KLHL4: variants seen among roughly 807,000 people sequenced by gnomAD.
KLHL4 encodes the protein kelch-like protein 4.
A neutral mutation model predicts 45.8 loss-of-function variants in KLHL4; 17 were observed. That is an observed-to-expected ratio of 0.37 (90% CI 0.25 to 0.56). The LOEUF is 0.56. KLHL4 is among the 20% of genes least tolerant of loss of function. The pLI is 0.79. For missense variants in KLHL4, 544 were observed against 544.9 expected (o/e 1.00, Z 0.02); for synonymous variants, 224 against 189.9 (o/e 1.18, Z -1.47).
chrX:87,533,609 A>C (rs750216966), intron 1 of KLHL4, among the ~76,000 whole-genome samples: 63 of 107,712 alleles, frequency 5.8e-4, no homozygotes, highest in African/African-American at 2.1e-3. Flanking sequence ...ATGCTAAATG[A>C]CCAGTTAATG....
At chrX:87,655,974 G>T (rs1170764697) in intron 9 of KLHL4, among the ~76,000 whole-genome samples, 1 of 111,261 alleles carries the variant, frequency 9.0e-6, no homozygotes, top group Non-Finnish European at 1.9e-5. Flanking sequence ...CCCAAGTCAG[G>T]GTTTACAGCT....
chrX:87,568,293 T>A (rs192474787), intron 1 of KLHL4, among the ~76,000 whole-genome samples: 2,542 of 109,809 alleles, frequency 0.023, 30 homozygotes, highest in Middle Eastern at 0.038. Flanking sequence ...GAAGACTTAA[T>A]ATTTTTTAAA....
At position 87,669,917 on chromosome X, in the gene KLHL4, G is replaced by C. The variant is rs1167218006; in HGVS notation, c.*3383G>C. 2.6e-5 allele frequency: 3 copies of C among 113,256 alleles called. No individual in the cohort carries two copies. Among genetic ancestry groups the C allele is most frequent in the Non-Finnish European group, 5.5e-5 (3 of 54,182 alleles). The allele number at this position is 113,256 out of a possible 1,213,427, so 9.3% of individuals were successfully genotyped here. A position where few individuals can be genotyped will look rare whatever the true frequency, so the allele number is the denominator to read the frequency against. On this transcript the variant is annotated 3_prime_UTR_variant, in exon 11 of 11. Transcript: ENST00000373119. ...AATATCTCACCACAGTGAATTATGG[G>C]TAAGGTGATAATATGTTTAATTAGC...
intron 1 of KLHL4, among the ~76,000 whole-genome samples, chrX:87,550,376 CA>C (rs1292551713): frequency 2.7e-5 from 3 of 110,069 alleles, no homozygotes; most frequent in Non-Finnish European, 5.7e-5. Context: ...TAATTACCAA[CA>C]AAAAAAAGTA....
At chrX:87,520,207 C>T (rs1167812853) in intron 1 of KLHL4, among the ~76,000 whole-genome samples, 1 of 112,395 alleles carries the variant, frequency 8.9e-6, no homozygotes, top group African/African-American at 3.2e-5. Context: ...CTTGGTCCAG[C>T]ATCATTTGAG....
intron 1 of KLHL4, among the ~76,000 whole-genome samples, chrX:87,544,297 C>T (rs746444644): frequency 1.8e-5 from 2 of 111,483 alleles, no homozygotes; most frequent in African/African-American, 3.3e-5. Flanking sequence ...GCCAGTTCAG[C>T]CACAATACAG....
intron 1 of KLHL4, among the ~76,000 whole-genome samples, chrX:87,529,853 G>A (rs1032133080): frequency 9.8e-5 from 11 of 111,933 alleles, no homozygotes; most frequent in African/African-American, 3.6e-4. Context: ...GTAATGTCCA[G>A]TTATAAAACA....
intron 6 of KLHL4, among the ~76,000 whole-genome samples, chrX:87,630,773 TAAAG>T (rs1417004889): frequency 9.0e-6 from 1 of 111,628 alleles, no homozygotes; most frequent in East Asian, 2.8e-4. Context: ...TATTAACACT[TAAAG>T]AAAGTAATAC....
chrX:87,634,479 A>G (rs1199866300), intron 8 of KLHL4, among the ~76,000 whole-genome samples: 1 of 111,607 alleles, frequency 9.0e-6, no homozygotes, highest in East Asian at 2.8e-4. Flanking sequence ...AATTGTTACC[A>G]GGTATTATGT....
intron 6 of KLHL4, among the ~76,000 whole-genome samples, chrX:87,627,130 G>T (rs1029356410): frequency 8.9e-6 from 1 of 111,733 alleles, no homozygotes; most frequent in African/African-American, 3.3e-5. Flanking sequence ...TGTCTGGTCT[G>T]TATCAGCATC....
At chrX:87,575,333 C>T (rs1406311464) in intron 1 of KLHL4, among the ~76,000 whole-genome samples, 2 of 111,049 alleles carry the variant, frequency 1.8e-5, no homozygotes, top group Non-Finnish European at 3.8e-5. Flanking sequence ...ATGCAAGGGA[C>T]CCAGGTTGTG....
chrX:87,604,338 A>G (rs900113932), intron 1 of KLHL4, among the ~76,000 whole-genome samples: 1 of 111,432 alleles, frequency 9.0e-6, no homozygotes, highest in Admixed American at 9.6e-5. Flanking sequence ...TGAGAAATCT[A>G]CATGCTGTTT....
At chrX:87,647,867 A>G (rs1923688632) in intron 9 of KLHL4, among the ~76,000 whole-genome samples, 1 of 111,564 alleles carries the variant, frequency 9.0e-6, no homozygotes, top group Non-Finnish European at 1.9e-5. Flanking sequence ...AATTTCAAAA[A>G]TAGCATTAAC....
chrX:87,548,713 T>A (rs1249133266), intron 1 of KLHL4, among the ~76,000 whole-genome samples: 1 of 109,515 alleles, frequency 9.1e-6, no homozygotes, highest in Non-Finnish European at 1.9e-5. Flanking sequence ...TAACATAATC[T>A]GATAAAGGTA....
intron 1 of KLHL4, among the ~76,000 whole-genome samples, chrX:87,559,695 T>C (rs1932054150): frequency 9.0e-6 from 1 of 111,428 alleles, no homozygotes; most frequent in Non-Finnish European, 1.9e-5. Context: ...GAATGCATAA[T>C]ACATGCAAGA....
At chrX:87,559,364 C>A (rs1932047260) in intron 1 of KLHL4, among the ~76,000 whole-genome samples, 1 of 111,452 alleles carries the variant, frequency 9.0e-6, no homozygotes, top group Non-Finnish European at 1.9e-5. Context: ...CAACAGAAAA[C>A]CATGAAAATC....
At chrX:87,661,760 G>T (rs1924196600) in intron 9 of KLHL4, among the ~76,000 whole-genome samples, 1 of 111,201 alleles carries the variant, frequency 9.0e-6, no homozygotes, top group Admixed American at 9.6e-5. Flanking sequence ...TTTTTAAAAA[G>T]AGAAAAACGA....
At chrX:87,520,610 A>G (rs1375739251) in intron 1 of KLHL4, among the ~76,000 whole-genome samples, 1 of 112,369 alleles carries the variant, frequency 8.9e-6, no homozygotes, top group Admixed American at 9.5e-5. Context: ...TTCATATGAA[A>G]TTGAATTATA....
At chrX:87,648,269 A>G (rs1923701395) in intron 9 of KLHL4, among the ~76,000 whole-genome samples, 1 of 111,792 alleles carries the variant, frequency 8.9e-6, no homozygotes, top group African/African-American at 3.2e-5. Flanking sequence ...GGAAACAGAC[A>G]TAATTGTGGA....
Sources: allele counts gnomAD v4.1 joint callset (sites outside exome capture counted in the v4.1 genomes callset), GRCh38; gene constraint gnomAD v4.1.1; transcripts MANE v1.5; gene names NCBI Gene and HGNC (gene_info 2026-07-23, HGNC 2026-07-21).